The following IGF2BP2 variants were observed in gnomAD, a reference collection of about 807,000 sequenced individuals.
IGF2BP2 encodes insulin like growth factor 2 mRNA binding protein 2.
Under a neutral mutation model 75.8 loss-of-function variants are expected in IGF2BP2, and 17 were observed. The observed-to-expected ratio is 0.22, with a 90% confidence interval of 0.15 to 0.34. The LOEUF (loss-of-function observed/expected upper bound fraction) is 0.34, where lower values mean the gene tolerates loss of function less well. Among genes scored for constraint, IGF2BP2 ranks in the 10% least tolerant of loss-of-function variants. IGF2BP2 has a pLI of 1.00. For missense variants in IGF2BP2, 516 were observed against 772.4 expected (o/e 0.67, Z 3.93); for synonymous variants, 288 against 295.6 (o/e 0.97, Z 0.26).
intron 10 of IGF2BP2, among the ~76,000 whole-genome samples, chr3:185,665,155 A>G (rs1335131196): frequency 7.2e-6 from 1 of 139,332 alleles, no homozygotes; most frequent in African/African-American, 2.7e-5. Flanking sequence ...GTGACAGAGC[A>G]GGACCCTGTT....
intron 2 of IGF2BP2, among the ~76,000 whole-genome samples, chr3:185,781,381 C>T (rs376241242): frequency 1.4e-4 from 22 of 152,098 alleles, no homozygotes; most frequent in South Asian, 4.2e-4. Context: ...TTGTCTGTCC[C>T]GAATAATAGG....
chr3:185,647,552 T>C lies in IGF2BP2; in HGVS notation c.1594-414A>G, dbSNP rs575968787. On this transcript the variant is annotated intron_variant, in intron 14 of 15. Coordinates refer to ENST00000382199, the MANE Select transcript of IGF2BP2 (RefSeq NM_006548.6). The surrounding 1 kb of genome is among the most constrained non-coding windows in gnomAD (Gnocchi z 4.9). ...GCTGACCACGAGCCCAAACCTCCTC[T>C]TGGTTAACTTTCCCTGCGAATCAGC... 1.3e-5 allele frequency among the ~76,000 whole-genome samples: 2 copies of C among 151,728 alleles called. No individual in the cohort carries two copies. The highest frequency in any genetic ancestry group is 4.8e-5 in the African/African-American group (2 of 41,338).
chr3:185,766,139 G>A (rs985621127), intron 2 of IGF2BP2, among the ~76,000 whole-genome samples: 13 of 152,078 alleles, frequency 8.5e-5, no homozygotes, highest in Admixed American at 7.9e-4. Flanking sequence ...AAAGCCCAAG[G>A]TGCTATACAC....
At chr3:185,722,123 A>T (rs1409867682) in intron 2 of IGF2BP2, 5 of 323,508 alleles carry the variant, frequency 1.5e-5, no homozygotes, top group Non-Finnish European at 1.2e-5. Flanking sequence ...TTGTAGAGAG[A>T]GTGTCTCACT....
chr3:185,794,310 T>C lies in IGF2BP2; in HGVS notation c.239+28843A>G, dbSNP rs1227806850. ...CCGGGCTGCCCTCATATCACAGGTGTGTCTGGCTCCTTATCCTCACACAGG... is the reference window on the plus strand; with the variant it reads ...CCGGGCTGCCCTCATATCACAGGTGCGTCTGGCTCCTTATCCTCACACAGG... On this transcript the variant is annotated intron_variant, in intron 2 of 15. Coordinates refer to ENST00000382199, the MANE Select transcript of IGF2BP2 (RefSeq NM_006548.6). 3.0e-5 allele frequency among the ~76,000 whole-genome samples: 4 copies of C among 132,372 alleles called. 2 individuals are homozygous for C. Among genetic ancestry groups the C allele is most frequent in the Non-Finnish European group, 6.4e-5 (4 of 62,064 alleles). The allele number at this position is 132,372 out of a possible 152,430, so 86.8% of individuals were successfully genotyped here. A position where few individuals can be genotyped will look rare whatever the true frequency, so the allele number is the denominator to read the frequency against.
At chr3:185,784,470 A>G (rs915953813) in intron 2 of IGF2BP2, among the ~76,000 whole-genome samples, 23 of 152,230 alleles carry the variant, frequency 1.5e-4, no homozygotes, top group Admixed American at 2.0e-4. Context: ...CCTCCAGCAC[A>G]GCACAGCAGG....
chr3:185,673,774 A>C lies in IGF2BP2; in HGVS notation c.1072-1105T>G, dbSNP rs573407513. Among the ~76,000 whole-genome samples, 3 of 152,188 alleles carry C rather than the reference A, an allele frequency of 2.0e-5. No individual in the cohort carries two copies. In the East Asian group the frequency reaches 5.8e-4, roughly 29 times the overall value. ...ATCTTTACCTCATTTTGTCTATAAG[A>C]TGTAGTAATTTTGTTATTCACCTAC... is the stretch of plus-strand genomic sequence containing the variant. On this transcript the variant is annotated intron_variant, in intron 9 of 15. Transcript: ENST00000382199.
intron 4 of IGF2BP2, chr3:185,693,178 T>C (rs1722177766): frequency 1.3e-5 from 2 of 155,382 alleles, no homozygotes; most frequent in Admixed American, 6.4e-5. Flanking sequence ...AAAAATCACC[T>C]TTGTTGCAAA....
At chr3:185,675,114 G>T (rs377710596) in intron 9 of IGF2BP2, 182 bp downstream of exon 9, 2 of 443,626 alleles carry the variant, frequency 4.5e-6, no homozygotes, top group Non-Finnish European at 7.7e-6. Context: ...ATGTCTTCAC[G>T]TGATGTTGTC....
chr3:185,752,001 T>C (rs1197255308), intron 2 of IGF2BP2, among the ~76,000 whole-genome samples: 3 of 152,138 alleles, frequency 2.0e-5, no homozygotes, highest in Non-Finnish European at 4.4e-5. Flanking sequence ...ATCTGATGAA[T>C]GCTATTAGTT....
chr3:185,676,012 T>G, intron 7 of IGF2BP2, 99 bp from the exon 8 acceptor site: 1 of 1,466,304 alleles, frequency 6.8e-7, no homozygotes, highest in South Asian at 1.3e-5. Flanking sequence ...GAAGTCATTT[T>G]GTTCAGGTAC....
At chr3:185,676,000 T>C (rs1186026921) in intron 7 of IGF2BP2, 87 bp from the exon 8 acceptor site, 7 of 1,519,774 alleles carry the variant, frequency 4.6e-6, no homozygotes, top group Non-Finnish European at 6.2e-6. Flanking sequence ...TTCTTATAAA[T>C]GGAAGTCATT....
intron 2 of IGF2BP2, among the ~76,000 whole-genome samples, chr3:185,754,973 C>T (rs1731422308): frequency 6.6e-6 from 1 of 152,144 alleles, no homozygotes; most frequent in Non-Finnish European, 1.5e-5. Context: ...AAATTTGCAG[C>T]CAGGCCCTAT....
At chr3:185,765,251 T>C (rs1174032626) in intron 2 of IGF2BP2, among the ~76,000 whole-genome samples, 1 of 152,228 alleles carries the variant, frequency 6.6e-6, no homozygotes, top group Non-Finnish European at 1.5e-5. Flanking sequence ...CCCATCCAGC[T>C]ATATTTAGTA....
chr3:185,695,136 C>G (rs915046397), intron 4 of IGF2BP2, among the ~76,000 whole-genome samples: 5 of 151,894 alleles, frequency 3.3e-5, no homozygotes, highest in Admixed American at 2.6e-4. Flanking sequence ...GAAATAAGAA[C>G]TAAGAAATAG....
chr3:185,722,682 CA>C (rs1726748550), intron 2 of IGF2BP2: 1 of 167,160 alleles, frequency 6.0e-6, no homozygotes, highest in Non-Finnish European at 1.3e-5. Context: ...CTCAGCTGCT[CA>C]CAGCTCACTG....
chr3:185,814,822 T>C (rs1206528275), intron 2 of IGF2BP2, among the ~76,000 whole-genome samples: 2 of 152,194 alleles, frequency 1.3e-5, no homozygotes, highest in Non-Finnish European at 2.9e-5. Context: ...ACTTAAGTAT[T>C]GTATCAAAAA....
intron 10 of IGF2BP2, among the ~76,000 whole-genome samples, chr3:185,659,813 TGA>T (rs972626393): frequency 1.3e-5 from 2 of 151,542 alleles, no homozygotes; most frequent in African/African-American, 4.9e-5. Context: ...TTTTTTTTTT[TGA>T]GATGGTGTTT....
chr3:185,676,102 A>G (rs1719305839), intron 7 of IGF2BP2, among the ~76,000 whole-genome samples, 189 bp from the exon 8 acceptor site: 1 of 152,188 alleles, frequency 6.6e-6, no homozygotes, highest in Non-Finnish European at 1.5e-5. Flanking sequence ...AAGCCAAACC[A>G]TGGTAATTCT....
Sources: gnomAD v4.1 joint callset for allele counts (sites outside exome capture counted in the v4.1 genomes callset) on GRCh38, gnomAD v4.1.1 for gene constraint, Gnocchi (gnomAD v3.1) non-coding constraint, MANE v1.5 for transcripts, NCBI Gene and HGNC (gene_info 2026-07-23, HGNC 2026-07-21) for gene names.